Variants in ENOX1 observed in about 807,000 individuals in gnomAD.
ENOX1 encodes the protein ecto-NOX disulfide-thiol exchanger 1, also known as candidate growth-related and time keeping constitutive hydroquinone (NADH) oxidase.
A neutral mutation model predicts 82.5 loss-of-function variants in ENOX1; 42 were observed. That is an observed-to-expected ratio of 0.51 (90% confidence interval 0.40 to 0.66). The LOEUF (loss-of-function observed/expected upper bound fraction) is 0.66. Ranked by LOEUF, ENOX1 falls within the 30% of genes least tolerant of loss-of-function variation. The probability of loss-of-function intolerance (pLI) is 0.00; values close to 1 mark genes in which losing one functional copy is unlikely to be tolerated. For missense variants in ENOX1, 608 were observed against 811.6 expected, an observed-to-expected ratio of 0.75 and a Z score of 3.05; for synonymous variants, 271 against 282.2, an observed-to-expected ratio of 0.96 and a Z score of 0.40.
chr13:43,382,730 T>C (rs969786476), intron 5 of ENOX1, among the ~76,000 whole-genome samples: 1 of 152,206 alleles, frequency 6.6e-6, no homozygotes, highest in Admixed American at 6.5e-5. Context: ...CACAAGTATA[T>C]ACATATGTCA....
chr13:43,384,476 T>C lies in ENOX1; in HGVS notation c.209-23024A>G, dbSNP rs186469062. ...CTATATATTATCTTATTCATTCCCA[T>C]AACCCCATGAATTAGATGATATAAC... On this transcript the variant is annotated intron_variant, in intron 5 of 16. Transcript: ENST00000690772. Among the ~76,000 whole-genome samples the C allele has an allele frequency of 1.9e-3, 290 of 152,326 alleles. 1 individual carries two copies. Among genetic ancestry groups the C allele is most frequent in the Non-Finnish European group, 2.6e-3 (177 of 68,018 alleles).
At chr13:43,608,813 A>C (rs2082079212) in intron 2 of ENOX1, among the ~76,000 whole-genome samples, 1 of 152,214 alleles carries the variant, frequency 6.6e-6, no homozygotes, top group Non-Finnish European at 1.5e-5. Flanking sequence ...AGTGAGGTAT[A>C]CAGGTAGCAA....
At chr13:43,549,358 A>C (rs2079094427) in intron 2 of ENOX1, among the ~76,000 whole-genome samples, 1 of 152,234 alleles carries the variant, frequency 6.6e-6, no homozygotes. Flanking sequence ...TTACCTAGTC[A>C]ATAGAATTCA....
At chr13:43,580,873 A>G (rs528588197) in intron 2 of ENOX1, among the ~76,000 whole-genome samples, 1 of 152,138 alleles carries the variant, frequency 6.6e-6, no homozygotes, top group South Asian at 2.1e-4. Flanking sequence ...ATTTACACAT[A>G]TGTTATTTAG....
chr13:43,589,896 CAA>C (rs56787803), intron 2 of ENOX1, among the ~76,000 whole-genome samples: 12,785 of 108,806 alleles, frequency 0.12, 601 homozygotes, highest in East Asian at 0.29. Flanking sequence ...GTCTATTCTG[CAA>C]AAAAAAAAAA....
At chr13:43,228,300 G>T (rs572904405) in intron 15 of ENOX1, among the ~76,000 whole-genome samples, 37 of 152,004 alleles carry the variant, frequency 2.4e-4, no homozygotes, top group Admixed American at 5.2e-4. Context: ...TACTGAACTG[G>T]TGGATCTCCA....
intron 5 of ENOX1, among the ~76,000 whole-genome samples, chr13:43,382,795 T>C (rs1361668414): frequency 1.3e-5 from 2 of 152,160 alleles, no homozygotes; most frequent in African/African-American, 2.4e-5. Context: ...TGTCAATTCA[T>C]TAAAGCTATA....
chr13:43,745,453 T>G (rs1949972363), intron 1 of ENOX1, among the ~76,000 whole-genome samples: 1 of 152,176 alleles, frequency 6.6e-6, no homozygotes, highest in Admixed American at 6.5e-5. Context: ...ACGTTAGAAT[T>G]GTGGACATAT....
chr13:43,316,643 A>AT (rs2047507887), intron 11 of ENOX1, among the ~76,000 whole-genome samples: 2 of 151,436 alleles, frequency 1.3e-5, no homozygotes, highest in Non-Finnish European at 1.5e-5. Context: ...AAAAAAAAAA[A>AT]TTCTACACTT....
intron 1 of ENOX1, among the ~76,000 whole-genome samples, chr13:43,752,926 C>G (rs868140281): frequency 6.6e-6 from 1 of 151,630 alleles, no homozygotes; most frequent in Non-Finnish European, 1.5e-5. Flanking sequence ...GTGGTGCTAT[C>G]TCGGCTCACT....
In ENOX1 at chr13:43,364,711, G is replaced by A. The variant is rs987499749; in HGVS notation, c.209-3259C>T. 3.9e-5 allele frequency among the ~76,000 whole-genome samples: 6 copies of A among 152,198 alleles called. No homozygotes were observed. In the South Asian group the frequency reaches 6.2e-4, roughly 16 times the overall value. ...TTCATTTGAATTAAAGATCCATTCAGCATTTCCTGGGCACGTATGACTGCC... is the reference window on the plus strand; with the variant it reads ...TTCATTTGAATTAAAGATCCATTCAACATTTCCTGGGCACGTATGACTGCC... On this transcript the variant is annotated intron_variant, in intron 5 of 16. Transcript: ENST00000690772.
At chr13:43,599,875 C>A (rs1473984486) in intron 2 of ENOX1, among the ~76,000 whole-genome samples, 2 of 151,772 alleles carry the variant, frequency 1.3e-5, no homozygotes, top group Non-Finnish European at 2.9e-5. Flanking sequence ...GGGCACCAGG[C>A]AAAGTCCTGA....
chr13:43,324,695 A>G (rs2153528903), intron 10 of ENOX1, among the ~76,000 whole-genome samples: 1 of 152,300 alleles, frequency 6.6e-6, no homozygotes, highest in Non-Finnish European at 1.5e-5. Flanking sequence ...GCTGCACTCC[A>G]TCTGTCCTTC....
intron 3 of ENOX1, 62 bp downstream of exon 3, chr13:43,483,947 A>T (rs1213704519): frequency 2.4e-5 from 22 of 934,360 alleles, no homozygotes; most frequent in African/African-American, 5.3e-5. Flanking sequence ...AATATTTTCC[A>T]TTAAAAAATA....
chr13:43,648,698 G>A (rs947533290), intron 2 of ENOX1, among the ~76,000 whole-genome samples: 2 of 152,166 alleles, frequency 1.3e-5, no homozygotes, highest in South Asian at 2.1e-4. Flanking sequence ...TGTGTGAATT[G>A]CTACTCTAAT....
chr13:43,322,042 A>T (rs1373493835), intron 11 of ENOX1, among the ~76,000 whole-genome samples: 1 of 152,258 alleles, frequency 6.6e-6, no homozygotes, highest in South Asian at 2.1e-4. Flanking sequence ...AACAATTCCC[A>T]TGTAAGAAGT....
intron 2 of ENOX1, among the ~76,000 whole-genome samples, chr13:43,604,285 C>T (rs527565193): frequency 1.2e-3 from 189 of 151,816 alleles, no homozygotes; most frequent in African/African-American, 3.7e-3. Flanking sequence ...TGGATATTAG[C>T]CCTTTGTCAG....
chr13:43,345,454 T>C (rs974157468), intron 8 of ENOX1, among the ~76,000 whole-genome samples: 1 of 152,004 alleles, frequency 6.6e-6, no homozygotes, highest in Non-Finnish European at 1.5e-5. Flanking sequence ...CAGTTTGAGA[T>C]GTATGTGCAT....
chr13:43,569,745 T>G (rs571145240), intron 2 of ENOX1, among the ~76,000 whole-genome samples: 1 of 152,110 alleles, frequency 6.6e-6, no homozygotes, highest in African/African-American at 2.4e-5. Context: ...TCTCCAACAA[T>G]GAGCCTTTTA....
Sources: allele counts gnomAD v4.1 joint callset (sites outside exome capture counted in the v4.1 genomes callset), GRCh38; gene constraint gnomAD v4.1.1; transcripts MANE v1.5; gene names NCBI Gene and HGNC (gene_info 2026-07-23, HGNC 2026-07-21).